The following VPS13B variants were observed in gnomAD, a reference collection of about 807,000 sequenced individuals.
VPS13B encodes vacuolar protein sorting 13 homolog B, also known as intermembrane lipid transfer protein VPS13B.
A neutral mutation model predicts 426.4 loss-of-function variants in VPS13B; 285 were observed. The observed-to-expected ratio is 0.67, with a 90% CI of 0.61 to 0.74. The LOEUF (loss-of-function observed/expected upper bound fraction) is 0.74, where lower values mean the gene tolerates loss of function less well. VPS13B is among the 30% of genes least tolerant of loss of function. The pLI, the probability that VPS13B is intolerant of heterozygous loss-of-function variation, is 0.00. For synonymous variants in VPS13B, 1,676 were observed against 1,676.4 expected (o/e 1.00, Z 0.01); for missense variants, 4,537 against 4,782.6 (o/e 0.95, Z 1.51).
chr8:99,422,702 TA>T (rs1223450578), intron 21 of VPS13B, among the ~76,000 whole-genome samples: 1 of 152,150 alleles, frequency 6.6e-6, no homozygotes, highest in Non-Finnish European at 1.5e-5. Context: ...ATACATGTTT[TA>T]AAAAATACAA....
At chr8:99,110,195 A>G (rs1847288081) in intron 5 of VPS13B, among the ~76,000 whole-genome samples, 1 of 152,192 alleles carries the variant, frequency 6.6e-6, no homozygotes, top group South Asian at 2.1e-4. Flanking sequence ...AGAAGTTGCC[A>G]GGATATACTC....
Position 99,021,223 on chromosome 8 carries a change from T to C in VPS13B, c.147+7288T>C, listed in dbSNP as rs371315203. Among the ~76,000 whole-genome samples the C allele has an allele frequency of 7.2e-5, 11 of 152,370 alleles. 2 individuals are homozygous for C. The highest frequency in any genetic ancestry group is 2.6e-4 in the African/African-American group (11 of 41,582). On this transcript the variant is annotated intron_variant, in intron 2 of 61. Transcript: ENST00000357162. ...GTGGCTTGCAAAAGCCTAAAGTATTTACTGTCTCCCTCTGTACTGAAAAAG... is the reference window on the plus strand; with the variant it reads ...GTGGCTTGCAAAAGCCTAAAGTATTCACTGTCTCCCTCTGTACTGAAAAAG...
At chr8:99,812,477 G>A (rs191382041) in intron 44 of VPS13B, among the ~76,000 whole-genome samples, 7 of 152,288 alleles carry the variant, frequency 4.6e-5, no homozygotes, top group Admixed American at 4.6e-4. Context: ...GTGAGTATAT[G>A]CAGATCCCTG....
At chr8:99,388,618 A>G (rs953650729) in intron 20 of VPS13B, among the ~76,000 whole-genome samples, 2 of 152,164 alleles carry the variant, frequency 1.3e-5, no homozygotes, top group African/African-American at 4.8e-5. Context: ...AATAAATACT[A>G]CTTATTTTGA....
At chr8:99,499,680 AT>A (rs1821124431) in intron 25 of VPS13B, among the ~76,000 whole-genome samples, 1 of 152,160 alleles carries the variant, frequency 6.6e-6, no homozygotes, top group South Asian at 2.1e-4. Flanking sequence ...ATTGTAGCAG[AT>A]TTAGAACTAC....
At chr8:99,730,602 A>G (rs1342568015) in intron 39 of VPS13B, among the ~76,000 whole-genome samples, 4 of 152,144 alleles carry the variant, frequency 2.6e-5, no homozygotes, top group African/African-American at 9.7e-5. Context: ...TACAGATGAA[A>G]GGACCTGGGC....
chr8:99,336,128 A>G (rs1454548660), intron 19 of VPS13B, among the ~76,000 whole-genome samples: 5 of 152,214 alleles, frequency 3.3e-5, no homozygotes, highest in African/African-American at 9.6e-5. Flanking sequence ...ACAAGGCTAC[A>G]GTAACCAAAA....
intron 43 of VPS13B, among the ~76,000 whole-genome samples, chr8:99,791,643 G>A (rs1162588345): frequency 6.8e-6 from 1 of 147,608 alleles, no homozygotes; most frequent in Non-Finnish European, 1.5e-5. Context: ...CTAAGACAGA[G>A]TAAGGGCATT....
chr8:99,697,890 T>C (rs1832100410), intron 35 of VPS13B: 1 of 496,084 alleles, frequency 2.0e-6, no homozygotes, highest in Non-Finnish European at 3.9e-6. Flanking sequence ...CTCATCAATG[T>C]GATTGAGTTG....
intron 4 of VPS13B, among the ~76,000 whole-genome samples, chr8:99,102,572 A>G (rs1197780925): frequency 1.3e-5 from 2 of 152,246 alleles, no homozygotes; most frequent in African/African-American, 2.4e-5. Flanking sequence ...TAATCAGCAT[A>G]TAGTAACATT....
At chr8:99,538,655 C>T (rs186223244) in intron 30 of VPS13B, among the ~76,000 whole-genome samples, 11 of 152,256 alleles carry the variant, frequency 7.2e-5, no homozygotes, top group Non-Finnish European at 1.0e-4. Flanking sequence ...ATCATTAATA[C>T]ATTAATTTGA....
chr8:99,822,961 G>A (rs1588749134), intron 50 of VPS13B, among the ~76,000 whole-genome samples: 1 of 152,070 alleles, frequency 6.6e-6, no homozygotes, highest in Non-Finnish European at 1.5e-5. Flanking sequence ...TTTTGACCGT[G>A]GGACCCCATG....
At chr8:99,104,165 C>T (rs1395769487) in intron 5 of VPS13B, among the ~76,000 whole-genome samples, 2 of 152,252 alleles carry the variant, frequency 1.3e-5, no homozygotes, top group Non-Finnish European at 2.9e-5. Flanking sequence ...TATTATTGCT[C>T]CTAGGCTGCA....
At chr8:99,233,250 A>G in intron 17 of VPS13B, 1 of 1,213,402 alleles carries the variant, frequency 8.2e-7, no homozygotes, top group Non-Finnish European at 1.2e-6. Context: ...TATGCAGTTC[A>G]TTCACAGTCT....
At chr8:99,869,238 A>G (rs915521142) in intron 59 of VPS13B, among the ~76,000 whole-genome samples, 1 of 152,214 alleles carries the variant, frequency 6.6e-6, no homozygotes, top group African/African-American at 2.4e-5. Context: ...TAGTATCACA[A>G]ACGACAGAAG....
intron 21 of VPS13B, among the ~76,000 whole-genome samples, chr8:99,410,643 C>A (rs1815593417): frequency 6.6e-6 from 1 of 151,640 alleles, no homozygotes; most frequent in Non-Finnish European, 1.5e-5. Flanking sequence ...ATACACGTGC[C>A]ATGGTGGTTT....
chr8:99,254,515 A>T (rs910531863), intron 17 of VPS13B, among the ~76,000 whole-genome samples: 1 of 151,184 alleles, frequency 6.6e-6, no homozygotes, highest in Non-Finnish European at 1.5e-5. Flanking sequence ...GATTTCTTTG[A>T]GTTTACTCTG....
intron 43 of VPS13B, among the ~76,000 whole-genome samples, chr8:99,798,822 C>T (rs1341094120): frequency 6.6e-6 from 1 of 152,192 alleles, no homozygotes; most frequent in African/African-American, 2.4e-5. Context: ...GATGTCTAAA[C>T]ATAAAGGTCC....
chr8:99,468,001 C>A (rs978538761), intron 24 of VPS13B, among the ~76,000 whole-genome samples: 1 of 152,120 alleles, frequency 6.6e-6, no homozygotes, highest in Non-Finnish European at 1.5e-5. Context: ...GCTTATCATG[C>A]AATTTTTTTA....
Sources: allele counts gnomAD v4.1 joint callset (sites outside exome capture counted in the v4.1 genomes callset), GRCh38; gene constraint gnomAD v4.1.1; transcripts MANE v1.5; gene names NCBI Gene and HGNC (gene_info 2026-07-23, HGNC 2026-07-21).